Variants in IGF1R observed in about 807,000 individuals in gnomAD.
IGF1R encodes the protein insulin-like growth factor 1 receptor.
Under a neutral mutation model 144.6 loss-of-function variants are expected in IGF1R, and 44 were observed. The observed-to-expected ratio is 0.30, with a 90% confidence interval of 0.24 to 0.39. IGF1R has a LOEUF of 0.39. Ranked by LOEUF, IGF1R falls within the 10% of genes least tolerant of loss-of-function variation. IGF1R has a pLI of 1.00. For missense variants in IGF1R, 1,355 were observed against 1,833.7 expected, an observed-to-expected ratio of 0.74 and a Z score of 4.77; for synonymous variants, 795 against 722.8, an observed-to-expected ratio of 1.10 and a Z score of -1.60.
At chr15:98,691,655 G>T (rs915043199) in intron 1 of IGF1R, among the ~76,000 whole-genome samples, 1 of 152,088 alleles carries the variant, frequency 6.6e-6, no homozygotes, top group Non-Finnish European at 1.5e-5. Context: ...GAGCCACCCT[G>T]CCCGGCCCAT....
intron 6 of IGF1R, among the ~76,000 whole-genome samples, chr15:98,909,261 CTTTTTTTTT>C (rs752298130): frequency 1.1e-5 from 1 of 91,758 alleles, no homozygotes; most frequent in South Asian, 3.6e-4. Context: ...CTTTTTTTTT[CTTTTTTTTT>C]TTTTTTTTTG....
chr15:98,961,148 G>A lies in IGF1R; in HGVS notation c.*3706G>A, dbSNP rs369643317. On this transcript the variant is annotated 3_prime_UTR_variant, in exon 21 of 21. Coordinates refer to ENST00000650285, the MANE Select transcript of IGF1R (RefSeq NM_000875.5). ...GGACCCCGGGGATCTTAAGGTCATT[G>A]AGAAATACTGTTGGATCAGGGTTTT... The A allele has an allele frequency of 4.0e-4, 93 of 233,568 alleles. 1 individual carries two copies. The highest frequency in any genetic ancestry group is 2.0e-3 in the African/African-American group (92 of 45,434). The allele number at this position is 233,568 out of a possible 1,614,324, so 14.5% of individuals were successfully genotyped here.
chr15:98,801,351 C>A (rs570708117), intron 2 of IGF1R, among the ~76,000 whole-genome samples: 1 of 152,296 alleles, frequency 6.6e-6, no homozygotes, highest in South Asian at 2.1e-4. Context: ...CAATGCTGGT[C>A]CCCCTCCCTG....
intron 2 of IGF1R, among the ~76,000 whole-genome samples, chr15:98,874,958 T>G (rs1388762191): frequency 6.6e-6 from 1 of 152,220 alleles, no homozygotes; most frequent in Non-Finnish European, 1.5e-5. Context: ...ACTTCAGCCT[T>G]TACCCTGGGT....
At chr15:98,942,791 G>T (rs762201683) in intron 18 of IGF1R, 132 bp from the exon 19 acceptor site, 244 of 1,117,488 alleles carry the variant, frequency 2.2e-4, no homozygotes, top group Non-Finnish European at 3.1e-4. Context: ...CCTAATATTT[G>T]GCCACCTTAA....
intron 2 of IGF1R, among the ~76,000 whole-genome samples, chr15:98,838,431 C>T (rs1318483711): frequency 1.3e-5 from 2 of 152,202 alleles, no homozygotes; most frequent in Non-Finnish European, 2.9e-5. Flanking sequence ...TAAAACTATT[C>T]TAGGACTTAG....
In IGF1R at chr15:98,957,175, C is replaced by T. The variant is rs2151738019; in HGVS notation, c.3837C>T (p.Phe1279=). The T allele has an allele frequency of 3.1e-6, 5 of 1,614,248 alleles. No individual in the cohort carries two copies. Among genetic ancestry groups the T allele is most frequent in the Non-Finnish European group, 4.2e-6 (5 of 1,180,046 alleles). The change falls in exon 21 of 21, where the codon TTC becomes TTT. Residue 1279 remains phenylalanine (F), a synonymous_variant. Transcript: ENST00000650285. ...EMEPGFREVS[F]YYSEENKLPE... ...AGCCTGGCTTCCGGGAGGTCTCCTT[C>T]TACTACAGCGAGGAGAACAAGCTGC...
intron 2 of IGF1R, among the ~76,000 whole-genome samples, chr15:98,827,563 T>C (rs1323269680): frequency 1.3e-5 from 2 of 152,220 alleles, no homozygotes; most frequent in Non-Finnish European, 2.9e-5. Context: ...TCTTTTGTAA[T>C]TGGCCTTTTA....
At chr15:98,881,413 C>T (rs61499175) in intron 2 of IGF1R, among the ~76,000 whole-genome samples, 10,096 of 152,290 alleles carry the variant, frequency 0.066, 627 homozygotes, top group African/African-American at 0.15. Flanking sequence ...CTCCGCCTCC[C>T]GGGTTCAAGC....
intron 2 of IGF1R, among the ~76,000 whole-genome samples, chr15:98,880,211 A>C (rs968432213): frequency 3.9e-5 from 6 of 152,350 alleles, no homozygotes; most frequent in Middle Eastern, 3.4e-3. Context: ...CAGCCCAGCT[A>C]GAGGACGATT....
In IGF1R at chr15:98,964,481, T is replaced by C. The variant is rs556456562; in HGVS notation, c.*7039T>C. On this transcript the variant is annotated 3_prime_UTR_variant, in exon 21 of 21. Transcript: ENST00000650285. Reference sequence around the variant, plus strand: ...GTTAGTTTCTCTTACTCTGCTTTTTTCTAGTAAAGTACTACATGGTTTAAG... The same window carrying C: ...GTTAGTTTCTCTTACTCTGCTTTTTCCTAGTAAAGTACTACATGGTTTAAG... The C allele has an allele frequency of 9.1e-6, 2 of 220,514 alleles. No individual in the cohort carries two copies. Among genetic ancestry groups the C allele is most frequent in the East Asian group, 1.3e-4 (2 of 14,846 alleles). The allele number at this position is 220,514 out of a possible 1,614,324, so 13.7% of individuals were successfully genotyped here.
At chr15:98,699,199 G>A (rs1322104457) in intron 1 of IGF1R, among the ~76,000 whole-genome samples, 2 of 152,232 alleles carry the variant, frequency 1.3e-5, no homozygotes, top group African/African-American at 4.8e-5. Flanking sequence ...TGGCTCTACA[G>A]TCTGTCCTTC....
intron 17 of IGF1R, among the ~76,000 whole-genome samples, chr15:98,938,986 T>C (rs1287021819): frequency 2.0e-5 from 3 of 152,122 alleles, no homozygotes; most frequent in Non-Finnish European, 4.4e-5. Context: ...CCAGCTCTGA[T>C]GTGGTCAGGG....
intron 10 of IGF1R, 47 bp from the exon 11 acceptor site, chr15:98,922,101 A>C (rs761884800): frequency 5.0e-6 from 8 of 1,603,640 alleles, no homozygotes; most frequent in Non-Finnish European, 6.8e-6. Context: ...TAGAAAAGAC[A>C]AAAGAGGTAA....
At chr15:98,812,106 C>G (rs548727283) in intron 2 of IGF1R, among the ~76,000 whole-genome samples, 3 of 152,300 alleles carry the variant, frequency 2.0e-5, no homozygotes, top group Middle Eastern at 3.4e-3. Context: ...GAAACCACAT[C>G]GTTGAGATTT....
chr15:98,899,993 T>A (rs1159517301), intron 5 of IGF1R, among the ~76,000 whole-genome samples: 1 of 152,200 alleles, frequency 6.6e-6, no homozygotes, highest in Non-Finnish European at 1.5e-5. Context: ...GCGACCCTCA[T>A]CTGCCTCAGG....
chr15:98,891,187 T>A lies in IGF1R; in HGVS notation c.641-138T>A, dbSNP rs1360759709. 1 of 778,118 alleles carries A rather than the reference T, an allele frequency of 1.3e-6. No individual in the cohort carries two copies. The highest frequency in any genetic ancestry group is 2.7e-5 in the East Asian group (1 of 37,548). The allele number at this position is 778,118 out of a possible 1,614,324, so 48.2% of individuals were successfully genotyped here. A position where few individuals can be genotyped will look rare whatever the true frequency, so the allele number is the denominator to read the frequency against. ...TGGTGGGGGTGAGGATTTCGTAGTG[T>A]GTTTTTGCATTGTCTCCTCAATGAG... is the stretch of plus-strand genomic sequence containing the variant. On this transcript the variant is annotated intron_variant, in intron 2 of 20. Transcript: ENST00000650285. The surrounding 1 kb of genome is among the most constrained non-coding windows in gnomAD (Gnocchi z 4.7).
chr15:98,707,424 GC>G lies in IGF1R; in HGVS notation c.95-137del. 1.1e-6 allele frequency: 1 copy of G among 907,826 alleles called. No individual in the cohort carries two copies. Among genetic ancestry groups the G allele is most frequent in the South Asian group, 1.5e-5 (1 of 68,818 alleles). 56.2% of individuals were successfully genotyped at this position (907,826 alleles called of 1,614,324 possible). ...CTAAACTGTCAGTCTGCAACCCACA[GC>G]TCTGCAGTGAACAATTGAACCTCAT... On this transcript the variant is annotated intron_variant, in intron 1 of 20. Coordinates refer to ENST00000650285, the MANE Select transcript of IGF1R (RefSeq NM_000875.5). This position sits in a 1 kb window ranked among gnomAD's most constrained non-coding sequence, Gnocchi z 6.7.
chr15:98,792,241 G>A (rs1037172358), intron 2 of IGF1R, among the ~76,000 whole-genome samples: 1 of 152,156 alleles, frequency 6.6e-6, no homozygotes, highest in African/African-American at 2.4e-5. Flanking sequence ...TAAATGTAGG[G>A]AAGGTGAAGT....
Sources: gnomAD v4.1 joint callset for allele counts (sites outside exome capture counted in the v4.1 genomes callset) on GRCh38, gnomAD v4.1.1 for gene constraint, Gnocchi (gnomAD v3.1) non-coding constraint, MANE v1.5 for transcripts, NCBI Gene and HGNC (gene_info 2026-07-23, HGNC 2026-07-21) for gene names.